PFKFB1: variants seen among roughly 807,000 people sequenced by gnomAD.
PFKFB1 encodes the protein 6-phosphofructo-2-kinase/fructose-2,6-biphosphatase 1.
PFKFB1 carries 34 observed loss-of-function variants against 46.4 expected under a neutral mutation model. That is an observed-to-expected ratio of 0.73 (90% CI 0.56 to 0.98). The LOEUF (loss-of-function observed/expected upper bound fraction) is 0.98. Ranked by LOEUF, PFKFB1 falls within the 50% of genes least tolerant of loss-of-function variation. The probability of loss-of-function intolerance (pLI) is 0.00; values close to 1 mark genes in which losing one functional copy is unlikely to be tolerated. For synonymous variants in PFKFB1, 119 were observed against 133.8 expected (o/e 0.89, Z 0.76); for missense variants, 393 against 376.3 (o/e 1.04, Z -0.37).
upstream of PFKFB1, chrX:54,994,883 AG>A: frequency 4.0e-6 from 3 of 751,452 alleles, no homozygotes; most frequent in Non-Finnish European, 4.7e-6. Context: ...CTGGGGCTGG[AG>A]GTGGGGGAAT....
At chrX:54,961,871 C>T (rs747597537) in intron 2 of PFKFB1, among the ~76,000 whole-genome samples, 71 of 111,702 alleles carry the variant, frequency 6.4e-4, no homozygotes, top group African/African-American at 2.0e-3. Flanking sequence ...GGAACAAAGG[C>T]ATTCCAGGTA....
chrX:54,991,542 T>C (rs1238867222), intron 1 of PFKFB1, among the ~76,000 whole-genome samples: 2 of 59,124 alleles, frequency 3.4e-5, no homozygotes, highest in Non-Finnish European at 8.0e-5. Context: ...TCTCTCTCTG[T>C]GTGTGTGTGT....
chrX:54,971,741 G>C (rs531183355), intron 1 of PFKFB1, among the ~76,000 whole-genome samples: 8 of 110,171 alleles, frequency 7.3e-5, no homozygotes, highest in Admixed American at 2.9e-4. Flanking sequence ...GTTACTGTAG[G>C]CTTGTAGTAT....
Position 54,933,281 on chromosome X carries a change from C to T in PFKFB1, c.*122G>A. On this transcript the variant is annotated 3_prime_UTR_variant, in exon 14 of 14. Coordinates refer to ENST00000375006, the MANE Select transcript of PFKFB1 (RefSeq NM_002625.4). The stretch of plus-strand genomic sequence containing the variant: ...AGGCTTGTTTGGGAGTTGCGGAGGA[C>T]TTCTTCACTGGAAGTGGGGTGCCTC... 1 of 567,537 alleles carries T rather than the reference C, an allele frequency of 1.8e-6. No individual in the cohort carries two copies. The highest frequency in any genetic ancestry group is 2.8e-5 in the South Asian group (1 of 36,035). 46.8% of individuals were successfully genotyped at this position (567,537 alleles called of 1,213,427 possible). A position where few individuals can be genotyped will look rare whatever the true frequency, so the allele number is the denominator to read the frequency against.
chrX:54,964,538 T>G (rs1934418173), intron 1 of PFKFB1, among the ~76,000 whole-genome samples: 1 of 112,092 alleles, frequency 8.9e-6, no homozygotes, highest in Non-Finnish European at 1.9e-5. Flanking sequence ...ATTATTTTAC[T>G]TTCTTTTTTT....
intron 1 of PFKFB1, among the ~76,000 whole-genome samples, chrX:54,977,405 T>C (rs1298351832): frequency 3.7e-5 from 4 of 109,533 alleles, no homozygotes; most frequent in African/African-American, 6.6e-5. Context: ...GTGGAATAAA[T>C]AAATAAACAA....
At chrX:54,985,799 T>C (rs186042680) in intron 1 of PFKFB1, among the ~76,000 whole-genome samples, 5 of 109,994 alleles carry the variant, frequency 4.5e-5, no homozygotes, top group Admixed American at 9.7e-5. Flanking sequence ...AAAATTTTTA[T>C]ATCTCATTGA....
intron 10 of PFKFB1, among the ~76,000 whole-genome samples, chrX:54,943,565 C>A (rs1387271975): frequency 9.0e-6 from 1 of 110,900 alleles, no homozygotes; most frequent in East Asian, 2.8e-4. Flanking sequence ...TCCTGGCTAA[C>A]ACGGTGATAC....
chrX:54,949,162 C>A lies in PFKFB1; in HGVS notation c.906G>T (p.Trp302Cys). Residue 302 changes from tryptophan to cysteine, a missense_variant, in exon 9 of 14, where the codon TGG becomes TGT. Trp to Cys is a radical substitution (Grantham distance 215). Coordinates refer to ENST00000375006, the MANE Select transcript of PFKFB1 (RefSeq NM_002625.4). ...QSQGISSLKV[W>C]TSHMKRTIQT... ...GGATGGTCCTCTTCATGTGACTGGT[C>A]CACACCTTCAGGGAGCTGATGCCCT... 2.5e-6 allele frequency: 3 copies of A among 1,210,316 alleles called. No homozygotes were observed. The highest frequency in any genetic ancestry group is 3.5e-5 in the South Asian group (2 of 56,859).
chrX:54,972,923 C>T (rs1453220605), intron 1 of PFKFB1, among the ~76,000 whole-genome samples: 1 of 111,467 alleles, frequency 9.0e-6, no homozygotes, highest in East Asian at 2.8e-4. Context: ...GTACCAGTTC[C>T]TCCTTGTACC....
chrX:54,960,037 G>A, intron 3 of PFKFB1, 144 bp from the exon 4 acceptor site: 1 of 501,293 alleles, frequency 2.0e-6, no homozygotes, highest in African/African-American at 2.3e-5. Flanking sequence ...GGTGCCCTAC[G>A]CTTTAGGCAC....
At chrX:54,965,074 C>T (rs187974784) in intron 1 of PFKFB1, among the ~76,000 whole-genome samples, 56 of 111,306 alleles carry the variant, frequency 5.0e-4, no homozygotes, top group Middle Eastern at 9.4e-3. Flanking sequence ...ATAACATATA[C>T]GTATTTAGAA....
chrX:54,964,638 C>T (rs749207031), intron 1 of PFKFB1, among the ~76,000 whole-genome samples: 1 of 111,327 alleles, frequency 9.0e-6, no homozygotes, highest in South Asian at 3.8e-4. Context: ...AACCCATCAC[C>T]CAAATAGCGA....
At chrX:54,994,620 C>A (rs1276947833), upstream of PFKFB1, 3 of 752,836 alleles carry the variant, frequency 4.0e-6, no homozygotes, top group African/African-American at 6.9e-5. Flanking sequence ...GTGTTTTGAG[C>A]TGGCAATTAG....
intron 1 of PFKFB1, among the ~76,000 whole-genome samples, chrX:54,990,898 T>C (rs1935222289): frequency 8.9e-6 from 1 of 112,348 alleles, no homozygotes; most frequent in Non-Finnish European, 1.9e-5. Flanking sequence ...TATTCATTCA[T>C]CTTTTAAAAA....
chrX:54,977,409 T>TAAACAAAC (rs201666020), intron 1 of PFKFB1, among the ~76,000 whole-genome samples: 185 of 108,713 alleles, frequency 1.7e-3, no homozygotes, highest in African/African-American at 5.8e-3. Context: ...AATAAATAAA[T>TAAACAAAC]AAACAAACAA....
chrX:54,951,507 G>C (rs1353968208), intron 8 of PFKFB1, among the ~76,000 whole-genome samples: 1 of 112,507 alleles, frequency 8.9e-6, no homozygotes, highest in Non-Finnish European at 1.9e-5. Flanking sequence ...TCTCAGGGCA[G>C]CTGTATGTGC....
intron 1 of PFKFB1, among the ~76,000 whole-genome samples, chrX:54,974,489 T>C (rs1158810170): frequency 8.1e-5 from 9 of 111,495 alleles, no homozygotes; most frequent in Non-Finnish European, 1.5e-4. Context: ...AGACCTGAAA[T>C]CATAAAAATT....
intron 10 of PFKFB1, among the ~76,000 whole-genome samples, chrX:54,942,467 T>C (rs1319541805): frequency 8.9e-6 from 1 of 111,850 alleles, no homozygotes; most frequent in Admixed American, 9.5e-5. Flanking sequence ...ACACTATCCA[T>C]TTGGTTTGAA....
Sources: allele counts gnomAD v4.1 joint callset (sites outside exome capture counted in the v4.1 genomes callset), GRCh38; gene constraint gnomAD v4.1.1; transcripts MANE v1.5; gene names NCBI Gene and HGNC (gene_info 2026-07-23, HGNC 2026-07-21).